The following RNF149 variants were observed in gnomAD, a reference collection of about 807,000 sequenced individuals.
RNF149 encodes the protein ring finger protein 149.
RNF149 carries 21 observed loss-of-function variants against 39.0 expected under a neutral mutation model. The ratio of observed to expected loss-of-function variants is 0.54; its 90% confidence interval spans 0.38 to 0.77. The LOEUF is 0.77. Ranked by LOEUF, RNF149 falls within the 30% of genes least tolerant of loss-of-function variation. RNF149 has a pLI of 0.00. For missense variants in RNF149, 493 were observed against 534.9 expected (o/e 0.92, Z 0.77); for synonymous variants, 209 against 213.6 (o/e 0.98, Z 0.19).
intron 1 of RNF149, among the ~76,000 whole-genome samples, chr2:101,297,500 G>A (rs1271520094): frequency 6.6e-6 from 1 of 151,690 alleles, no homozygotes; most frequent in Non-Finnish European, 1.5e-5. Context: ...GGGACCACAG[G>A]CACACACCAC....
rs369473007 is a variant in RNF149 at position 101,303,835 on chromosome 2, C to A, written c.460+4294G>T. Among the ~76,000 whole-genome samples the A allele has an allele frequency of 3.0e-3, 458 of 152,284 alleles. 5 individuals are homozygous for A. The highest frequency in any genetic ancestry group is 9.5e-3 in the African/African-American group (394 of 41,552). ...GATTTCTTATACCTCTTTGTAACCT[C>A]CCCTGCCACCCAACTCTGGCAGATT... is the stretch of plus-strand genomic sequence containing the variant. On this transcript the variant is annotated intron_variant, in intron 1 of 6. Transcript: ENST00000295317.
At chr2:101,304,831 T>C (rs1683593701) in intron 1 of RNF149, among the ~76,000 whole-genome samples, 1 of 139,298 alleles carries the variant, frequency 7.2e-6, no homozygotes, top group Non-Finnish European at 1.5e-5. Flanking sequence ...AAGAGACTAC[T>C]AGTATTTTTT....
Position 101,282,190 on chromosome 2 carries a change from A to G in RNF149, c.961-133T>C, listed in dbSNP as rs924446788. The G allele has an allele frequency of 2.1e-5, 28 of 1,308,360 alleles. 1 individual carries two copies. The African/African-American group carries it at 3.7e-4, about 17-fold the overall frequency. 81.0% of individuals were successfully genotyped at this position (1,308,360 alleles called of 1,614,324 possible). The stretch of plus-strand genomic sequence containing the variant: ...AATGAATCTGGCAAAAAGCACATCA[A>G]TGTCTCCCTTATCTAGTATCACAAG... On this transcript the variant is annotated intron_variant, in intron 5 of 6. Coordinates refer to ENST00000295317, the MANE Select transcript of RNF149 (RefSeq NM_173647.4).
At chr2:101,281,706 G>A in intron 6 of RNF149, 153 bp downstream of exon 6, 1 of 845,376 alleles carries the variant, frequency 1.2e-6, no homozygotes. Flanking sequence ...TCACTATGCT[G>A]CCCAGGCTGT....
At position 101,287,806 on chromosome 2, in the gene RNF149, C is replaced by T. The variant is rs377434288; in HGVS notation, c.863+1167G>A. Among the ~76,000 whole-genome samples the T allele has an allele frequency of 3.1e-3, 471 of 152,244 alleles. 1 individual carries two copies. The highest frequency in any genetic ancestry group is 5.7e-3 in the Non-Finnish European group (388 of 68,012). On this transcript the variant is annotated intron_variant, in intron 4 of 6. Transcript: ENST00000295317. ...TTTCCTTCACAGAATTATCAATCTA[C>T]TATAAAGTACTTGGATATATACTAA...
intron 6 of RNF149, among the ~76,000 whole-genome samples, chr2:101,278,618 G>A (rs1308353240): frequency 6.6e-6 from 1 of 152,178 alleles, no homozygotes; most frequent in Middle Eastern, 3.4e-3. Flanking sequence ...TATACATTGT[G>A]GAATGGCTAA....
intron 1 of RNF149, among the ~76,000 whole-genome samples, chr2:101,301,639 C>A (rs1013682411): frequency 1.3e-5 from 2 of 152,138 alleles, no homozygotes; most frequent in Non-Finnish European, 1.5e-5. Context: ...CCAAATTACC[C>A]GTAACATAAT....
In RNF149 at chr2:101,292,167, T is replaced by C. The variant is rs114008601; in HGVS notation, c.780+1847A>G. Among the ~76,000 whole-genome samples the C allele has an allele frequency of 6.3e-3, 956 of 152,320 alleles. 4 individuals carry two copies. Among genetic ancestry groups the C allele is most frequent in the African/African-American group, 0.022 (913 of 41,580 alleles). ...CTTGAAGTATGGTTTCTACTGAATG[T>C]GTATTGCTTTCACACTGTTTAAAGT... On this transcript the variant is annotated intron_variant, in intron 3 of 6. Transcript: ENST00000295317.
intron 3 of RNF149, among the ~76,000 whole-genome samples, chr2:101,291,949 T>G (rs1573241374): frequency 6.6e-6 from 1 of 152,164 alleles, no homozygotes; most frequent in Non-Finnish European, 1.5e-5. Flanking sequence ...AAAATAACAT[T>G]AAGTTTAAAA....
In RNF149 at chr2:101,294,974, T is replaced by C. The variant is rs769186611; in HGVS notation, c.668A>G (p.Tyr223Cys). 3 of 1,613,710 alleles carry C rather than the reference T, an allele frequency of 1.9e-6. No homozygotes were observed. The East Asian group carries it at 6.7e-5, about 36-fold the overall frequency. ...GCCAGTATATAGGAAACGCTGTATATAGTAAAATATTAGCCAGGCTAACGA... is the reference window on the plus strand; with the variant it reads ...GCCAGTATATAGGAAACGCTGTATACAGTAAAATATTAGCCAGGCTAACGA... ...IISLAWLIFY[Y>C]IQRFLYTGSQ... The change falls in exon 2 of 7, where the codon TAT becomes TGT. Residue 223 changes from tyrosine (Y) to cysteine (C), a missense_variant. Physicochemically the swap from Tyr to Cys is radical, Grantham distance 194. Transcript: ENST00000295317.
chr2:101,271,475 G>A (rs1199771666), downstream of RNF149: 1 of 151,354 alleles, frequency 6.6e-6, no homozygotes, highest in African/African-American at 2.4e-5. Context: ...TTTATATTGG[G>A]GAAAAAAAAA....
At position 101,300,604 on chromosome 2, in the gene RNF149, G is replaced by A. The variant is rs1374104430; in HGVS notation, c.461-5423C>T. On this transcript the variant is annotated intron_variant, in intron 1 of 6. Transcript: ENST00000295317. ...AAAGCAGGTGGATCGCTTGACCCTA[G>A]GGAGTTTGACACCAGCCTGGGCAAT... Among the ~76,000 whole-genome samples the A allele has an allele frequency of 2.0e-5, 3 of 151,960 alleles. No homozygotes were observed. The Middle Eastern group carries it at 0.01, about 517-fold the overall frequency.
intron 1 of RNF149, among the ~76,000 whole-genome samples, chr2:101,304,233 CA>C (rs1176293882): frequency 6.6e-6 from 1 of 152,012 alleles, no homozygotes; most frequent in African/African-American, 2.4e-5. Context: ...CCCATCTTTA[CA>C]AAAAATACAA....
intron 4 of RNF149, among the ~76,000 whole-genome samples, chr2:101,287,832 C>T (rs991248498): frequency 7.2e-5 from 11 of 152,188 alleles, no homozygotes; most frequent in Admixed American, 4.6e-4. Flanking sequence ...TATATACTAA[C>T]GTACTCTGCA....
intron 3 of RNF149, among the ~76,000 whole-genome samples, chr2:101,291,638 TAAC>T (rs1394899621): frequency 2.0e-5 from 3 of 152,282 alleles, no homozygotes; most frequent in East Asian, 1.9e-4. Flanking sequence ...AATGAACTTT[TAAC>T]AACATTTAAA....
intron 6 of RNF149, among the ~76,000 whole-genome samples, chr2:101,278,998 A>G (rs954361434): frequency 7.2e-5 from 11 of 152,254 alleles, no homozygotes; most frequent in South Asian, 4.1e-4. Flanking sequence ...TTTCTCAACT[A>G]TAAGTGAAAC....
Position 101,308,491 on chromosome 2 carries a change from CGGCCCCG to C in RNF149, c.91_97del (p.Arg31GlyfsTer10), listed in dbSNP as rs773698449. On this transcript the variant is annotated frameshift_variant, in exon 1 of 7. Coordinates refer to ENST00000295317, the MANE Select transcript of RNF149 (RefSeq NM_173647.4). LOFTEE classifies it high-confidence loss of function. ...CACGGCCGAGAACCACTCGAGAGCC[CGGCCCCG>C]GGCCCCGGGCACGCACAGGGCCAGG... 1 of 1,610,704 alleles carries C rather than the reference CGGCCCCG, an allele frequency of 6.2e-7. No individual in the cohort carries two copies. Among genetic ancestry groups the C allele is most frequent in the Non-Finnish European group, 8.5e-7 (1 of 1,179,172 alleles).
At chr2:101,298,168 C>T (rs1396151526) in intron 1 of RNF149, among the ~76,000 whole-genome samples, 1 of 152,210 alleles carries the variant, frequency 6.6e-6, no homozygotes, top group Non-Finnish European at 1.5e-5. Flanking sequence ...CGGTGGCTCA[C>T]ACCTGTAATC....
In RNF149 at chr2:101,289,100, T is replaced by C. The variant is rs114272320; in HGVS notation, c.781-45A>G. ...GTGTTACTACATTCTTGGTACACAG[T>C]ATATCCCTTGGTAAACTCACTACAT... On this transcript the variant is annotated intron_variant, in intron 3 of 6. Coordinates refer to ENST00000295317, the MANE Select transcript of RNF149 (RefSeq NM_173647.4). 1.4e-3 allele frequency: 1,599 copies of C among 1,120,926 alleles called. 13 individuals carry two copies. In the African/African-American group the frequency reaches 0.022, roughly 16 times the overall value. The allele number at this position is 1,120,926 out of a possible 1,614,324, so 69.4% of individuals were successfully genotyped here.
Sources: allele counts gnomAD v4.1 joint callset (sites outside exome capture counted in the v4.1 genomes callset), GRCh38; gene constraint gnomAD v4.1.1; transcripts MANE v1.5; gene names NCBI Gene and HGNC (gene_info 2026-07-23, HGNC 2026-07-21).